Variants in SLCO6A1 observed in about 807,000 individuals in gnomAD.
SLCO6A1 encodes the protein cancer/testis antigen 48.
A neutral mutation model predicts 72.7 loss-of-function variants in SLCO6A1; 65 were observed. The observed-to-expected ratio is 0.89, with a 90% CI of 0.73 to 1.10. The LOEUF (loss-of-function observed/expected upper bound fraction) is 1.10. Ranked by LOEUF, SLCO6A1 falls within the 50% of genes least tolerant of loss-of-function variation. The probability of loss-of-function intolerance (pLI) is 0.00; values close to 1 mark genes in which losing one functional copy is unlikely to be tolerated. For missense variants in SLCO6A1, 874 were observed against 872.6 expected (o/e 1.00, Z -0.02); for synonymous variants, 314 against 298.2 (o/e 1.05, Z -0.55).
At chr5:102,430,165 T>A (rs182854291) in intron 7 of SLCO6A1, among the ~76,000 whole-genome samples, 1 of 152,128 alleles carries the variant, frequency 6.6e-6, no homozygotes, top group African/African-American at 2.4e-5. Context: ...ATCCAGAAAC[T>A]TTGCTGATGG....
chr5:102,466,272 C>A (rs768833827), intron 4 of SLCO6A1, among the ~76,000 whole-genome samples: 1 of 151,862 alleles, frequency 6.6e-6, no homozygotes, highest in African/African-American at 2.4e-5. Context: ...AGAAAATATA[C>A]GGTATTTGGT....
intron 1 of SLCO6A1, among the ~76,000 whole-genome samples, chr5:102,490,480 A>G (rs1752622152): frequency 6.6e-6 from 1 of 152,234 alleles, no homozygotes; most frequent in African/African-American, 2.4e-5. Context: ...TGGATAATTC[A>G]TAAGGAAAGG....
At chr5:102,385,023 C>T (rs1746330210) in intron 12 of SLCO6A1, among the ~76,000 whole-genome samples, 1 of 152,124 alleles carries the variant, frequency 6.6e-6, no homozygotes, top group Admixed American at 6.6e-5. Context: ...GTGGTGAATT[C>T]CCTCAGCTTT....
At chr5:102,457,262 T>A (rs548855407) in intron 6 of SLCO6A1, among the ~76,000 whole-genome samples, 31 of 135,202 alleles carry the variant, frequency 2.3e-4, no homozygotes, top group Non-Finnish European at 4.0e-4. Context: ...GGGATCTAAT[T>A]AAACTAAAGA....
chr5:102,456,294 C>T (rs560453471), intron 6 of SLCO6A1, among the ~76,000 whole-genome samples: 1 of 152,034 alleles, frequency 6.6e-6, no homozygotes, highest in African/African-American at 2.4e-5. Flanking sequence ...GGTATTCAAT[C>T]AGGAAAAGAG....
chr5:102,472,693 T>C (rs983484896), intron 4 of SLCO6A1, among the ~76,000 whole-genome samples: 14 of 151,982 alleles, frequency 9.2e-5, no homozygotes, highest in Admixed American at 8.5e-4. Flanking sequence ...AACAAAGAGA[T>C]GGTTTTTTAA....
At chr5:102,461,477 C>A (rs991793118) in intron 4 of SLCO6A1, among the ~76,000 whole-genome samples, 10 of 151,858 alleles carry the variant, frequency 6.6e-5, no homozygotes, top group Non-Finnish European at 1.2e-4. Flanking sequence ...GGATGAAAAA[C>A]AATAATAAAT....
At chr5:102,422,540 C>T (rs923235706) in intron 7 of SLCO6A1, among the ~76,000 whole-genome samples, 1 of 151,786 alleles carries the variant, frequency 6.6e-6, no homozygotes, top group African/African-American at 2.4e-5. Flanking sequence ...TAAAGATCAA[C>T]TTAAGGATAT....
At chr5:102,454,601 C>T (rs1336183135) in intron 6 of SLCO6A1, among the ~76,000 whole-genome samples, 1 of 151,576 alleles carries the variant, frequency 6.6e-6, no homozygotes, top group Non-Finnish European at 1.5e-5. Flanking sequence ...GTTTTATATC[C>T]TGTCTAACAA....
intron 6 of SLCO6A1, among the ~76,000 whole-genome samples, chr5:102,445,996 C>T (rs560003731): frequency 6.6e-6 from 1 of 152,218 alleles, no homozygotes; most frequent in East Asian, 1.9e-4. Flanking sequence ...TGGGTAGTGG[C>T]ATCCTCCAGC....
intron 7 of SLCO6A1, among the ~76,000 whole-genome samples, chr5:102,427,767 C>A (rs1748975514): frequency 6.7e-6 from 1 of 148,350 alleles, no homozygotes; most frequent in Admixed American, 6.8e-5. Flanking sequence ...ATCTACCATG[C>A]TAATATAAGA....
intron 8 of SLCO6A1, among the ~76,000 whole-genome samples, chr5:102,416,368 TAC>T (rs1748286886): frequency 1.3e-5 from 2 of 151,908 alleles, no homozygotes; most frequent in Admixed American, 1.3e-4. Context: ...TACATATATA[TAC>T]ACACACGTTG....
At chr5:102,456,822 T>G (rs1369440271) in intron 6 of SLCO6A1, among the ~76,000 whole-genome samples, 1 of 152,176 alleles carries the variant, frequency 6.6e-6, no homozygotes, top group Non-Finnish European at 1.5e-5. Context: ...AGAACAAAGC[T>G]GGAGGCATCA....
chr5:102,403,292 C>T (rs1747496738), intron 9 of SLCO6A1, among the ~76,000 whole-genome samples: 1 of 152,084 alleles, frequency 6.6e-6, no homozygotes, highest in African/African-American at 2.4e-5. Flanking sequence ...TGATTAGTCT[C>T]TACACAGTTA....
intron 1 of SLCO6A1, among the ~76,000 whole-genome samples, chr5:102,487,463 G>A (rs140794573): frequency 0.019 from 2,828 of 152,230 alleles, 29 homozygotes; most frequent in Non-Finnish European, 0.019. Flanking sequence ...TGAAAATACC[G>A]TAGTACAAAG....
chr5:102,397,300 G>A (rs1747139177), intron 10 of SLCO6A1, among the ~76,000 whole-genome samples: 1 of 151,988 alleles, frequency 6.6e-6, no homozygotes, highest in South Asian at 2.1e-4. Context: ...TCTTAAACTT[G>A]AGGAAGTTTC....
intron 10 of SLCO6A1, among the ~76,000 whole-genome samples, chr5:102,398,579 T>C (rs1402594019): frequency 2.0e-5 from 3 of 152,176 alleles, no homozygotes; most frequent in Non-Finnish European, 2.9e-5. Context: ...TGCCATCTGA[T>C]CACTTTCGCT....
rs1401047764 is a variant in SLCO6A1, at chr5:102,373,334, T to C, written c.*15+3A>G. On this transcript the variant is annotated splice_donor_region_variant and intron_variant, in intron 13 of 13. Transcript: ENST00000506729. ...TGATAGATTGACAATGTGTAATTCT[T>C]ACACAATGATGATCCAGTTACAAGT... The C allele has an allele frequency of 1.3e-6, 2 of 1,526,248 alleles. No individual in the cohort carries two copies. Among genetic ancestry groups the C allele is most frequent in the Admixed American group, 4.4e-5 (2 of 45,428 alleles). 94.5% of individuals were successfully genotyped at this position (1,526,248 alleles called of 1,614,324 possible).
At chr5:102,400,795 G>C (rs886675905) in intron 9 of SLCO6A1, among the ~76,000 whole-genome samples, 1 of 151,926 alleles carries the variant, frequency 6.6e-6, no homozygotes, top group Non-Finnish European at 1.5e-5. Flanking sequence ...GTTGCTGAGA[G>C]GTTAATAAAT....
Sources: gnomAD v4.1 joint callset for allele counts (sites outside exome capture counted in the v4.1 genomes callset) on GRCh38, gnomAD v4.1.1 for gene constraint, MANE v1.5 for transcripts, NCBI Gene and HGNC (gene_info 2026-07-23, HGNC 2026-07-21) for gene names.